DIS3: variants seen among roughly 807,000 people sequenced by gnomAD.
DIS3 encodes DIS3 exosome endoribonuclease and 3'-5' exoribonuclease.
In DIS3, 103 loss-of-function variants were observed where a neutral mutation model predicts 113.0. That is an observed-to-expected ratio of 0.91 (90% CI 0.78 to 1.07). The LOEUF is 1.07. Among genes scored for constraint, DIS3 ranks in the 50% least tolerant of loss-of-function variants. The pLI is 0.00. For synonymous variants in DIS3, 402 were observed against 394.3 expected (o/e 1.02, Z -0.23); for missense variants, 1,121 against 1,167.1 (o/e 0.96, Z 0.58).
rs750764460 is a variant in DIS3 at position 72,760,553 on chromosome 13, G to C, written c.2769C>G (p.Ile923Met). 1 of 1,613,590 alleles carries C rather than the reference G, an allele frequency of 6.2e-7. No homozygotes were observed. Among genetic ancestry groups the C allele is most frequent in the Non-Finnish European group, 8.5e-7 (1 of 1,179,652 alleles). Residue 923 changes from isoleucine (I) to methionine (M), a missense_variant, in exon 20 of 21, where the codon ATC (isoleucine) becomes ATG (methionine). Around this residue, in one of 3 missense-constraint regions of DIS3, gnomAD observed 861 missense variants for 915.5 expected, o/e 0.94. Coordinates refer to ENST00000377767, the MANE Select transcript of DIS3 (RefSeq NM_014953.5). ...CCTGTGGTTCTACCAGGGACATTCG[G>C]ATCTTCTGATGTTGAAGATTAGATG... ...LDSSNLQHQK[I>M]RMSLVEPQIP...
chr13:72,775,981 C>A lies in DIS3; in HGVS notation c.766G>T (p.Glu256Ter), dbSNP rs779786228. ...YLQGTFRASR[E>*]NYLEATVWIH... ...CATACTGTAGCTTCCAAGTAATTTT[C>A]CCTGCTAGCTCTAAATGTTCCTTGA... Residue 256 changes from glutamate (E) to a stop codon, truncating the protein, a stop_gained, in exon 5 of 21, where the codon GAA becomes TAA. Transcript: ENST00000377767. LOFTEE classifies it high-confidence loss of function. 6.2e-7 allele frequency: 1 copy of A among 1,611,416 alleles called. No homozygotes were observed. Among genetic ancestry groups the A allele is most frequent in the South Asian group, 1.1e-5 (1 of 90,272 alleles).
intron 9 of DIS3, 112 bp downstream of exon 9, chr13:72,772,581 C>T: frequency 1.7e-6 from 2 of 1,159,074 alleles, no homozygotes; most frequent in African/African-American, 1.6e-5. Flanking sequence ...CAACAAAATG[C>T]AGGAAAAGAG....
chr13:72,762,079 T>G lies in DIS3; in HGVS notation c.2186A>C (p.Glu729Ala). The change falls in exon 17 of 21, where the codon GAA becomes GCA. Residue 729 changes from glutamate to alanine, a missense_variant. Around this residue, in one of 3 missense-constraint regions of DIS3, gnomAD observed 861 missense variants for 915.5 expected, o/e 0.94. Coordinates refer to ENST00000377767, the MANE Select transcript of DIS3 (RefSeq NM_014953.5). The stretch of plus-strand genomic sequence containing the variant: ...GTTTAGATATGGAAAAGTAGGAGAT[T>G]CGGCCTGATCCAAAGACTCAGCCAA... ...KSLAESLDQA[E>A]SPTFPYLNTL... The G allele has an allele frequency of 6.2e-7, 1 of 1,614,070 alleles. No individual in the cohort carries two copies. Among genetic ancestry groups the G allele is most frequent in the African/African-American group, 1.3e-5 (1 of 75,052 alleles).
intron 15 of DIS3, among the ~76,000 whole-genome samples, 185 bp downstream of exon 15, chr13:72,765,787 C>T (rs982415134): frequency 5.3e-5 from 8 of 152,160 alleles, no homozygotes; most frequent in Admixed American, 2.6e-4. Flanking sequence ...TGCGACTAAA[C>T]GCAGTTTTAT....
chr13:72,772,268 T>C lies in DIS3; in HGVS notation c.1394A>G (p.Lys465Arg), dbSNP rs41286058. The part of the protein sequence containing the change: ...MPWSITEKDM[K>R]NREDLRHLCI... ...CAGATGCCTCAGGTCTTCTCGGTTT[T>C]TCATGTCCTAGAAGACATGAAATGA... The change falls in exon 10 of 21, where the codon AAA becomes AGA. Residue 465 changes from lysine (K) to arginine (R), a missense_variant. Physicochemically the swap from Lys to Arg is conservative, Grantham distance 26. Transcript: ENST00000377767. 3,582 of 1,609,996 alleles carry C rather than the reference T, an allele frequency of 2.2e-3. 5 individuals are homozygous for C. The highest frequency in any genetic ancestry group is 2.9e-3 in the Non-Finnish European group (3,399 of 1,178,320).
Position 72,781,864 on chromosome 13 carries a change from C to A in DIS3, c.-32G>T. The A allele has an allele frequency of 1.3e-6, 2 of 1,505,686 alleles. No individual in the cohort carries two copies. The highest frequency in any genetic ancestry group is 2.5e-5 in the South Asian group (2 of 79,784). 93.3% of individuals were successfully genotyped at this position (1,505,686 alleles called of 1,614,324 possible). ...TCGCCGCGCAGAATCCTAACCCCAGCAGCGCTCTTCCAGCAAAAGGCGTCA... is the reference window on the plus strand; with the variant it reads ...TCGCCGCGCAGAATCCTAACCCCAGAAGCGCTCTTCCAGCAAAAGGCGTCA... On this transcript the variant is annotated 5_prime_UTR_variant, in exon 1 of 21. Transcript: ENST00000377767.
In DIS3 at chr13:72,753,855, T is replaced by C. The variant is rs753919345; in HGVS notation, c.*5940A>G. On this transcript the variant is annotated 3_prime_UTR_variant, in exon 21 of 21. Transcript: ENST00000377767. ...AAAATATAGTGAAAGCTTAATATTG[T>C]TTAGATTAGAAATATAAAATAATTT... 4.5e-6 allele frequency: 7 copies of C among 1,558,688 alleles called. No individual in the cohort carries two copies. The highest frequency in any genetic ancestry group is 1.4e-5 in the African/African-American group (1 of 72,892).
chr13:72,781,519 G>C, intron 1 of DIS3, 86 bp downstream of exon 1: 1 of 1,444,704 alleles, frequency 6.9e-7, no homozygotes, highest in Middle Eastern at 2.5e-4. Flanking sequence ...CACTGCCAAA[G>C]ACCCGCCTCC....
At chr13:72,781,476 C>A (rs1593859294) in intron 1 of DIS3, 129 bp downstream of exon 1, 1 of 1,436,774 alleles carries the variant, frequency 7.0e-7, no homozygotes, top group East Asian at 2.5e-5. Context: ...AAGCTTCGGT[C>A]CCGAGGGGGT....
intron 19 of DIS3, among the ~76,000 whole-genome samples, chr13:72,761,111 A>C (rs1326279875): frequency 2.0e-5 from 3 of 152,086 alleles, no homozygotes; most frequent in Non-Finnish European, 4.4e-5. Context: ...GTAGGGCAAA[A>C]CTTTACATGG....
At chr13:72,772,879 G>T in intron 8 of DIS3, 40 bp from the exon 9 acceptor site, 1 of 1,542,950 alleles carries the variant, frequency 6.5e-7, no homozygotes, top group Non-Finnish European at 8.7e-7. Context: ...CTATTTTATA[G>T]CAAATTTACA....
At chr13:72,780,696 C>G in intron 2 of DIS3, 150 bp downstream of exon 2, 1 of 801,412 alleles carries the variant, frequency 1.2e-6, no homozygotes, top group Non-Finnish European at 1.9e-6. Context: ...ATCCACTTAG[C>G]ATTATCTTCT....
Position 72,758,372 on chromosome 13 carries a change from T to A in DIS3, c.*1423A>T. ...CCTGTCATTAAGTGACATATGACTA[T>A]ATATGAAACTTAACAAATCAGGCCT... On this transcript the variant is annotated 3_prime_UTR_variant, in exon 21 of 21. Coordinates refer to ENST00000377767, the MANE Select transcript of DIS3 (RefSeq NM_014953.5). 1 of 186,820 alleles carries A rather than the reference T, an allele frequency of 5.4e-6. No individual in the cohort carries two copies. The highest frequency in any genetic ancestry group is 1.1e-5 in the Non-Finnish European group (1 of 88,420). 11.6% of individuals were successfully genotyped at this position (186,820 alleles called of 1,614,324 possible).
intron 14 of DIS3, among the ~76,000 whole-genome samples, chr13:72,767,511 C>T (rs2033779625): frequency 6.6e-6 from 1 of 152,038 alleles, no homozygotes; most frequent in Non-Finnish European, 1.5e-5. Context: ...CCAAATGATC[C>T]TTTCTGTTTC....
chr13:72,779,589 T>A (rs2034104370), intron 2 of DIS3, among the ~76,000 whole-genome samples: 1 of 152,104 alleles, frequency 6.6e-6, no homozygotes, highest in South Asian at 2.1e-4. Flanking sequence ...ACAAGAACAT[T>A]GAAGTTTGAG....
chr13:72,776,401 T>C (rs896645275), intron 4 of DIS3, among the ~76,000 whole-genome samples: 4 of 152,136 alleles, frequency 2.6e-5, no homozygotes, highest in African/African-American at 9.7e-5. Context: ...AATAGTCATA[T>C]ATAACTAAGT....
chr13:72,777,673 G>A (rs2138230729), intron 3 of DIS3, among the ~76,000 whole-genome samples, 180 bp from the exon 4 acceptor site: 1 of 152,042 alleles, frequency 6.6e-6, no homozygotes, highest in South Asian at 2.1e-4. Flanking sequence ...CTACAGCCTA[G>A]AATCCCTGGG....
chr13:72,767,530 T>C (rs1268387599), intron 14 of DIS3, among the ~76,000 whole-genome samples: 2 of 152,194 alleles, frequency 1.3e-5, no homozygotes, highest in Non-Finnish European at 2.9e-5. Flanking sequence ...TCAAGTTTCA[T>C]ATTTAAGATC....
rs758256107 is a variant in DIS3 at position 72,755,103 on chromosome 13, A to G, written c.*4692T>C. 2.6e-6 allele frequency: 4 copies of G among 1,516,412 alleles called. No individual in the cohort carries two copies. Among genetic ancestry groups the G allele is most frequent in the Middle Eastern group, 1.7e-4 (1 of 5,898 alleles). 93.9% of individuals were successfully genotyped at this position (1,516,412 alleles called of 1,614,324 possible). On this transcript the variant is annotated 3_prime_UTR_variant, in exon 21 of 21. Transcript: ENST00000377767. ...AACAGTCCCGATAATTGCATCCTCC[A>G]GTGGTCCTACTTAAACTGAAAACAA... is the stretch of plus-strand genomic sequence containing the variant.
Sources: gnomAD v4.1 joint callset for allele counts (sites outside exome capture counted in the v4.1 genomes callset) on GRCh38, gnomAD v4.1.1 for gene constraint, gnomAD v4.1.1 regional missense constraint, MANE v1.5 for transcripts, NCBI Gene and HGNC (gene_info 2026-07-23, HGNC 2026-07-21) for gene names.